PARD3: variants seen among roughly 807,000 people sequenced by gnomAD.
PARD3 encodes the protein partitioning defective 3 homolog.
PARD3 carries 75 observed loss-of-function variants against 155.4 expected under a neutral mutation model. The ratio of observed to expected loss-of-function variants is 0.48; its 90% CI spans 0.40 to 0.58. The LOEUF (loss-of-function observed/expected upper bound fraction) is 0.58. PARD3 is among the 20% of genes least tolerant of loss of function. The probability of loss-of-function intolerance (pLI) is 0.00; values close to 1 mark genes in which losing one functional copy is unlikely to be tolerated. For missense variants in PARD3, 1,642 were observed against 1,721.7 expected (o/e 0.95, Z 0.82); for synonymous variants, 576 against 610.5 (o/e 0.94, Z 0.83).
chr10:34,752,770 G>A (rs961957808), intron 1 of PARD3, among the ~76,000 whole-genome samples: 1 of 152,200 alleles, frequency 6.6e-6, no homozygotes, highest in African/African-American at 2.4e-5. Context: ...ACAACTTAAA[G>A]TGGAAAAATG....
At chr10:34,174,728 G>A (rs1280343423) in intron 22 of PARD3, among the ~76,000 whole-genome samples, 2 of 152,124 alleles carry the variant, frequency 1.3e-5, no homozygotes, top group Admixed American at 1.3e-4. Context: ...TATTCTCAAA[G>A]GCTGATATTA....
chr10:34,214,575 C>T (rs190695252), intron 22 of PARD3, among the ~76,000 whole-genome samples: 3 of 152,094 alleles, frequency 2.0e-5, no homozygotes, highest in Admixed American at 6.5e-5. Context: ...TCCACCACTT[C>T]GGGAGCTCAG....
At chr10:34,434,265 G>A (rs2076084696) in intron 5 of PARD3, among the ~76,000 whole-genome samples, 1 of 152,212 alleles carries the variant, frequency 6.6e-6, no homozygotes, top group South Asian at 2.1e-4. Context: ...TCCACATGGT[G>A]AAGGAACATC....
At chr10:34,192,306 C>T (rs1950747802) in intron 22 of PARD3, among the ~76,000 whole-genome samples, 1 of 152,030 alleles carries the variant, frequency 6.6e-6, no homozygotes, top group African/African-American at 2.4e-5. Context: ...CCATGTTGCC[C>T]AGGCTGATCT....
intron 22 of PARD3, among the ~76,000 whole-genome samples, chr10:34,163,236 G>A (rs1319868230): frequency 6.6e-6 from 1 of 152,000 alleles, no homozygotes; most frequent in African/African-American, 2.4e-5. Context: ...TTGTGTTCCC[G>A]GCCACTCCAC....
chr10:34,493,743 GA>G (rs1348499428), intron 3 of PARD3, among the ~76,000 whole-genome samples: 1 of 149,020 alleles, frequency 6.7e-6, no homozygotes, highest in Non-Finnish European at 1.5e-5. Context: ...AAAAAAAAAA[GA>G]AAAAAAAGAA....
rs1554804561 is a variant in PARD3 at position 34,666,777 on chromosome 10, T to TCAA, written c.222+29540_222+29541insTTG. 5.5e-3 allele frequency among the ~76,000 whole-genome samples: 93 copies of TCAA among 17,026 alleles called. 5 individuals carry two copies. The highest frequency in any genetic ancestry group is 6.3e-3 in the African/African-American group (44 of 7,020). 11.2% of individuals were successfully genotyped at this position (17,026 alleles called of 152,430 possible). A position where few individuals can be genotyped will look rare whatever the true frequency, so the allele number is the denominator to read the frequency against. Reference sequence around the variant, plus strand: ...CTTCCACCTCACCTACCCCTCCCCCTAAAAAAAAAAAAAAAAAAAATATAT... The same window carrying TCAA: ...CTTCCACCTCACCTACCCCTCCCCCTCAAAAAAAAAAAAAAAAAAAAAATATAT... On this transcript the variant is annotated intron_variant, in intron 2 of 24. Transcript: ENST00000374788.
intron 22 of PARD3, among the ~76,000 whole-genome samples, chr10:34,155,777 A>G (rs1036522070): frequency 2.6e-5 from 4 of 152,006 alleles, no homozygotes; most frequent in Middle Eastern, 3.4e-3. Flanking sequence ...AAAGGAGCAC[A>G]GTGAAGCAGT....
chr10:34,560,686 C>T (rs1392991673), intron 2 of PARD3, among the ~76,000 whole-genome samples: 3 of 152,162 alleles, frequency 2.0e-5, no homozygotes, highest in Non-Finnish European at 4.4e-5. Context: ...AGAATGGGAG[C>T]CTGTCTCCTG....
chr10:34,479,160 ATTTTT>A (rs571846177), intron 3 of PARD3, among the ~76,000 whole-genome samples: 3 of 131,804 alleles, frequency 2.3e-5, no homozygotes, highest in African/African-American at 8.7e-5. Context: ...CTCAAATTTA[ATTTTT>A]TTTTTTTTTT....
intron 1 of PARD3, among the ~76,000 whole-genome samples, chr10:34,734,325 T>A (rs1297060592): frequency 8.2e-5 from 1 of 12,202 alleles, no homozygotes; most frequent in African/African-American, 6.6e-4. Flanking sequence ...TGGGGCCCTT[T>A]TTTTTTTTTT....
At chr10:34,805,339 A>T (rs1210869419) in intron 1 of PARD3, among the ~76,000 whole-genome samples, 1 of 152,166 alleles carries the variant, frequency 6.6e-6, no homozygotes, top group Non-Finnish European at 1.5e-5. Context: ...CCTGGGCAAC[A>T]AAGTGAGACT....
At chr10:34,136,749 C>T (rs866737681) in intron 22 of PARD3, among the ~76,000 whole-genome samples, 16 of 152,146 alleles carry the variant, frequency 1.1e-4, no homozygotes, top group Admixed American at 4.6e-4. Context: ...CAAATTCTAC[C>T]AGTAAGTCTA....
At chr10:34,698,851 T>C (rs1266694941) in intron 1 of PARD3, among the ~76,000 whole-genome samples, 2 of 152,252 alleles carry the variant, frequency 1.3e-5, no homozygotes, top group African/African-American at 4.8e-5. Flanking sequence ...CCGGTTATTA[T>C]ACCAATTCTT....
rs1388450244 is a variant in PARD3 at position 34,802,934 on chromosome 10, T to C, written c.120+11942A>G. 4.0e-5 allele frequency among the ~76,000 whole-genome samples: 6 copies of C among 151,590 alleles called. No individual in the cohort carries two copies. The South Asian group carries it at 8.3e-4, about 21-fold the overall frequency. On this transcript the variant is annotated intron_variant, in intron 1 of 24. Transcript: ENST00000374788. ...CCACAAAGCAGGTGGTATTAAAAGG[T>C]AGGACTCCCGACCAGGCACGGTGAC...
chr10:34,249,865 A>G (rs2133726177), intron 22 of PARD3, among the ~76,000 whole-genome samples: 1 of 152,328 alleles, frequency 6.6e-6, no homozygotes, highest in South Asian at 2.1e-4. Flanking sequence ...ACCTGAGTCC[A>G]CCAGGCACGC....
At chr10:34,379,389 G>A (rs1414082289) in intron 9 of PARD3, among the ~76,000 whole-genome samples, 1 of 152,006 alleles carries the variant, frequency 6.6e-6, no homozygotes, top group Non-Finnish European at 1.5e-5. Flanking sequence ...AGGGTGCTTG[G>A]ACTATTAATA....
intron 1 of PARD3, among the ~76,000 whole-genome samples, chr10:34,741,247 C>T (rs982730549): frequency 7.6e-6 from 1 of 131,980 alleles, no homozygotes; most frequent in Non-Finnish European, 1.6e-5. Context: ...TGTGGTGGTG[C>T]GATCACAACC....
chr10:34,279,172 G>C (rs1379148642), intron 21 of PARD3, among the ~76,000 whole-genome samples: 4 of 106,788 alleles, frequency 3.7e-5, no homozygotes, highest in Admixed American at 2.5e-4. Flanking sequence ...TTAGAGACAA[G>C]CTCTCACTCT....
Sources: gnomAD v4.1 joint callset for allele counts (sites outside exome capture counted in the v4.1 genomes callset) on GRCh38, gnomAD v4.1.1 for gene constraint, MANE v1.5 for transcripts, NCBI Gene and HGNC (gene_info 2026-07-23, HGNC 2026-07-21) for gene names.